Variants in FUT8 observed in about 807,000 individuals in gnomAD.
FUT8 encodes alpha-(1,6)-fucosyltransferase.
A neutral mutation model predicts 71.3 loss-of-function variants in FUT8; 29 were observed. The observed-to-expected ratio is 0.41, with a 90% CI of 0.30 to 0.55. FUT8 has a LOEUF of 0.55. Ranked by LOEUF, FUT8 falls within the 20% of genes least tolerant of loss-of-function variation. The probability of loss-of-function intolerance (pLI) is 0.34; values close to 1 mark genes in which losing one functional copy is unlikely to be tolerated. For missense variants in FUT8, 544 were observed against 702.1 expected, an observed-to-expected ratio of 0.77 and a Z score of 2.55; for synonymous variants, 254 against 239.3, an observed-to-expected ratio of 1.06 and a Z score of -0.57.
chr14:65,643,570 C>T lies in FUT8; in HGVS notation c.597+13964C>T, dbSNP rs1312970155. On this transcript the variant is annotated intron_variant, in intron 6 of 10. Transcript: ENST00000673929. This position sits in a 1 kb window ranked among gnomAD's most constrained non-coding sequence, Gnocchi z 4.5. ...TCAGGAGGCTGAGGCAGGAGAATGG[C>T]GTGAACCTGGGAGGCGGAGCTTGCA... Among the ~76,000 whole-genome samples the T allele has an allele frequency of 2.0e-5, 3 of 151,852 alleles. No individual in the cohort carries two copies. The highest frequency in any genetic ancestry group is 2.9e-5 in the Non-Finnish European group (2 of 67,986).
chr14:65,564,450 T>C (rs1468710239), intron 3 of FUT8, among the ~76,000 whole-genome samples: 2 of 152,040 alleles, frequency 1.3e-5, no homozygotes, highest in Non-Finnish European at 2.9e-5. Context: ...AGGAAAATAA[T>C]TTAAATATCG....
At chr14:65,471,918 T>A (rs547224236) in intron 2 of FUT8, among the ~76,000 whole-genome samples, 6 of 152,282 alleles carry the variant, frequency 3.9e-5, no homozygotes, top group African/African-American at 1.4e-4. Context: ...CATTAAGAAT[T>A]TTATCTCTTT....
Position 65,439,954 on chromosome 14 carries a change from G to GTACA in FUT8, c.-325-15665_-325-15664insCATA, listed in dbSNP as rs1378430231. 1.1e-3 allele frequency among the ~76,000 whole-genome samples: 80 copies of GTACA among 74,976 alleles called. 8 individuals carry two copies. In the East Asian group the frequency reaches 0.027, roughly 26 times the overall value. 49.2% of individuals were successfully genotyped at this position (74,976 alleles called of 152,430 possible). On this transcript the variant is annotated intron_variant, in intron 1 of 10. Coordinates refer to ENST00000673929, the MANE Select transcript of FUT8 (RefSeq NM_001371533.1). ...ATAAAGAAAATGTGTGTGTGTGTGT[G>GTACA]TATATATATATATATATATATATAT...
chr14:65,631,105 C>G (rs557904236), intron 6 of FUT8, among the ~76,000 whole-genome samples: 8 of 152,328 alleles, frequency 5.3e-5, no homozygotes, highest in African/African-American at 1.7e-4. Context: ...TCAGAGGTGT[C>G]TGCAGAATGA....
chr14:65,688,103 T>G (rs1374872594), intron 7 of FUT8, among the ~76,000 whole-genome samples: 2 of 152,200 alleles, frequency 1.3e-5, no homozygotes, highest in Non-Finnish European at 2.9e-5. Flanking sequence ...TATTATTAAC[T>G]GAAATCCATA....
chr14:65,509,079 C>T (rs972171602), intron 2 of FUT8, among the ~76,000 whole-genome samples: 1 of 152,006 alleles, frequency 6.6e-6, no homozygotes, highest in Non-Finnish European at 1.5e-5. Context: ...TGTCTTTAAT[C>T]AATATTTTGA....
At chr14:65,611,120 T>TG (rs1211740200) in intron 3 of FUT8, among the ~76,000 whole-genome samples, 6 of 151,108 alleles carry the variant, frequency 4.0e-5, no homozygotes, top group Non-Finnish European at 7.4e-5. Context: ...AACCACCTCT[T>TG]TTTTTCATGG....
At chr14:65,612,162 A>G (rs1889034386) in intron 3 of FUT8, among the ~76,000 whole-genome samples, 1 of 152,158 alleles carries the variant, frequency 6.6e-6, no homozygotes, top group South Asian at 2.1e-4. Flanking sequence ...TGTGGATTCC[A>G]GACATGAATT....
chr14:65,439,954 G>GTGTACATATATATATATATATATA, intron 1 of FUT8, among the ~76,000 whole-genome samples: 4 of 74,984 alleles, frequency 5.3e-5, no homozygotes, highest in Non-Finnish European at 9.9e-5. Context: ...GTGTGTGTGT[G>GTGTACATATATATATATATATATA]TATATATATA....
intron 3 of FUT8, among the ~76,000 whole-genome samples, chr14:65,567,414 G>T (rs2140066589): frequency 6.6e-6 from 1 of 151,976 alleles, no homozygotes; most frequent in South Asian, 2.1e-4. Context: ...AACTGAAGTG[G>T]TTCTTCACAG....
chr14:65,677,098 GGAAA>G (rs972030980), intron 7 of FUT8, among the ~76,000 whole-genome samples: 2 of 139,390 alleles, frequency 1.4e-5, no homozygotes, highest in East Asian at 2.4e-4. Flanking sequence ...CAGTTCCATT[GGAAA>G]GAAAGACATA....
At chr14:65,361,287 C>T in the FUT8 span, among the ~76,000 whole-genome samples, 1 of 142,406 alleles carries the variant, frequency 7.0e-6, no homozygotes, top group Non-Finnish European at 1.5e-5. Context: ...ACCTGGGAGG[C>T]GGAGGTTGTG....
Position 65,743,908 on chromosome 14 carries a change from G to T in FUT8, c.*1498G>T, listed in dbSNP as rs920483158. Reference sequence around the variant, plus strand: ...TGTAGGAGCGACTATCAGGCCTAGTGTGAAATATTAGGGATCCTAGGCAGA... The same window carrying T: ...TGTAGGAGCGACTATCAGGCCTAGTTTGAAATATTAGGGATCCTAGGCAGA... On this transcript the variant is annotated 3_prime_UTR_variant, in exon 11 of 11. Coordinates refer to ENST00000673929, the MANE Select transcript of FUT8 (RefSeq NM_001371533.1). 6.6e-6 allele frequency: 1 copy of T among 151,856 alleles called. No individual in the cohort carries two copies. The highest frequency in any genetic ancestry group is 1.5e-5 in the Non-Finnish European group (1 of 67,856). 9.4% of individuals were successfully genotyped at this position (151,856 alleles called of 1,614,324 possible).
chr14:65,439,748 A>G (rs1320801134), intron 1 of FUT8, among the ~76,000 whole-genome samples: 3 of 151,822 alleles, frequency 2.0e-5, no homozygotes, highest in Admixed American at 1.3e-4. Context: ...AATAGCAACA[A>G]TAAAATATGC....
At chr14:65,507,385 G>C (rs1450089000) in intron 2 of FUT8, among the ~76,000 whole-genome samples, 3 of 152,108 alleles carry the variant, frequency 2.0e-5, no homozygotes, top group African/African-American at 7.2e-5. Context: ...CTGTTGTGCT[G>C]TCAAATACTA....
intron 3 of FUT8, among the ~76,000 whole-genome samples, chr14:65,615,466 C>A (rs934195794): frequency 3.9e-5 from 6 of 152,160 alleles, no homozygotes; most frequent in African/African-American, 1.4e-4. Context: ...TATATAAGAC[C>A]AATGCTTAGT....
chr14:65,490,535 C>G (rs927952576), intron 2 of FUT8, among the ~76,000 whole-genome samples: 1 of 152,022 alleles, frequency 6.6e-6, no homozygotes, highest in Non-Finnish European at 1.5e-5. Context: ...TTTACAAAAG[C>G]CTGTATCTGT....
At chr14:65,730,827 T>C (rs1355595183) in intron 9 of FUT8, among the ~76,000 whole-genome samples, 1 of 152,244 alleles carries the variant, frequency 6.6e-6, no homozygotes, top group Admixed American at 6.5e-5. Flanking sequence ...CTATTAAAGT[T>C]GGCTATCCAA....
chr14:65,733,209 A>G (rs1594948625), intron 9 of FUT8, 22 bp from the exon 10 acceptor site: 11 of 1,509,624 alleles, frequency 7.3e-6, no homozygotes, highest in African/African-American at 4.2e-5. Context: ...ATGACCATCT[A>G]TAAATTAATT....
Sources: gnomAD v4.1 joint callset for allele counts (sites outside exome capture counted in the v4.1 genomes callset) on GRCh38, gnomAD v4.1.1 for gene constraint, Gnocchi (gnomAD v3.1) non-coding constraint, MANE v1.5 for transcripts, NCBI Gene and HGNC (gene_info 2026-07-23, HGNC 2026-07-21) for gene names.